The following DCC variants were observed in gnomAD, a reference collection of about 807,000 sequenced individuals.
The protein encoded by DCC is DCC netrin 1 receptor.
In DCC, 58 loss-of-function variants were observed where a neutral mutation model predicts 172.5. The observed-to-expected ratio is 0.34, with a 90% CI of 0.27 to 0.42. The LOEUF (loss-of-function observed/expected upper bound fraction) is 0.42, where lower values mean the gene tolerates loss of function less well. DCC is among the 10% of genes least tolerant of loss of function. The probability of loss-of-function intolerance (pLI) is 1.00; values close to 1 mark genes in which losing one functional copy is unlikely to be tolerated. For synonymous variants in DCC, 709 were observed against 644.5 expected, an observed-to-expected ratio of 1.10 and a Z score of -1.52; for missense variants, 1,740 against 1,791.0, an observed-to-expected ratio of 0.97 and a Z score of 0.51.
intron 3 of DCC, among the ~76,000 whole-genome samples, chr18:52,909,787 T>A (rs914579942): frequency 6.6e-5 from 10 of 152,172 alleles, no homozygotes; most frequent in Admixed American, 6.6e-4. Context: ...AATGTTGGAA[T>A]ACCATGCCCT....
At chr18:52,695,653 G>T (rs2036000207) in intron 1 of DCC, among the ~76,000 whole-genome samples, 1 of 152,166 alleles carries the variant, frequency 6.6e-6, no homozygotes, top group South Asian at 2.1e-4. Flanking sequence ...TGTGGCTATG[G>T]CTGGCATTCA....
chr18:53,033,749 T>C (rs966191660), intron 5 of DCC, among the ~76,000 whole-genome samples: 11 of 152,102 alleles, frequency 7.2e-5, no homozygotes, highest in African/African-American at 2.2e-4. Context: ...CCCTTTCCTT[T>C]TAGATATCAC....
intron 5 of DCC, among the ~76,000 whole-genome samples, chr18:52,932,668 T>G (rs1568195621): frequency 6.6e-6 from 1 of 152,122 alleles, no homozygotes; most frequent in Non-Finnish European, 1.5e-5. Context: ...TAGAGTTCTC[T>G]CTATAGAGCT....
chr18:52,503,580 C>A (rs541922094), intron 1 of DCC, among the ~76,000 whole-genome samples: 3 of 152,172 alleles, frequency 2.0e-5, no homozygotes, highest in Non-Finnish European at 4.4e-5. Flanking sequence ...GTTCTGGTGA[C>A]AGAATTCTCT....
intron 12 of DCC, among the ~76,000 whole-genome samples, chr18:53,295,397 T>C (rs955534724): frequency 1.3e-5 from 2 of 152,248 alleles, no homozygotes; most frequent in Admixed American, 6.5e-5. Flanking sequence ...AGTTTATAGA[T>C]TTACATAGTT....
At chr18:52,723,987 C>G (rs1222848806) in intron 1 of DCC, among the ~76,000 whole-genome samples, 1 of 152,106 alleles carries the variant, frequency 6.6e-6, no homozygotes, top group African/African-American at 2.4e-5. Flanking sequence ...ATTCTGCAAG[C>G]TGAAACTCTT....
intron 2 of DCC, among the ~76,000 whole-genome samples, chr18:52,820,379 T>C (rs2038384619): frequency 6.6e-6 from 1 of 152,236 alleles, no homozygotes; most frequent in Non-Finnish European, 1.5e-5. Flanking sequence ...AACACGTTCC[T>C]AACAATACAT....
chr18:52,652,711 A>AGTGTGTGTGTGTGTGTGT (rs71175513), intron 1 of DCC, among the ~76,000 whole-genome samples: 6,500 of 143,254 alleles, frequency 0.045, 274 homozygotes, highest in East Asian at 0.25. Flanking sequence ...ACTGCAATAA[A>AGTGTGTGTGTGTGTGTGT]GTGTGTGTGT....
chr18:53,515,208 A>T (rs1329953249), intron 27 of DCC, among the ~76,000 whole-genome samples: 1 of 152,106 alleles, frequency 6.6e-6, no homozygotes, highest in East Asian at 1.9e-4. Context: ...CCACATGATT[A>T]TCTCAATAGA....
chr18:52,498,610 C>T (rs963229379), intron 1 of DCC, among the ~76,000 whole-genome samples: 2 of 151,822 alleles, frequency 1.3e-5, no homozygotes, highest in African/African-American at 2.4e-5. Context: ...GGACACAGAG[C>T]GAGACTCTGT....
intron 14 of DCC, among the ~76,000 whole-genome samples, chr18:53,330,753 T>C (rs2144847146): frequency 6.6e-6 from 1 of 152,316 alleles, no homozygotes; most frequent in Middle Eastern, 3.4e-3. Context: ...TATTTTCACA[T>C]ATATTTCACA....
chr18:53,310,550 A>T (rs781303051), intron 13 of DCC, among the ~76,000 whole-genome samples: 31 of 152,270 alleles, frequency 2.0e-4, no homozygotes, highest in Non-Finnish European at 3.8e-4. Flanking sequence ...CAAGAATTGA[A>T]ATCACTGCTA....
intron 5 of DCC, among the ~76,000 whole-genome samples, chr18:53,000,817 TATTAAA>T (rs1386371962): frequency 6.6e-6 from 1 of 151,936 alleles, no homozygotes; most frequent in African/African-American, 2.4e-5. Context: ...GCACAACCGG[TATTAAA>T]ATTAAATTAT....
At chr18:52,761,651 C>T (rs568236802) in intron 2 of DCC, among the ~76,000 whole-genome samples, 47 of 152,142 alleles carry the variant, frequency 3.1e-4, no homozygotes, top group Middle Eastern at 6.8e-3. Flanking sequence ...AACACAAACC[C>T]ATGCACACAC....
chr18:52,801,051 G>A (rs1183007259), intron 2 of DCC, among the ~76,000 whole-genome samples: 2 of 152,132 alleles, frequency 1.3e-5, no homozygotes, highest in Non-Finnish European at 2.9e-5. Context: ...CATGGAGATT[G>A]CAGGGTTCCA....
At chr18:52,870,468 C>T (rs528371696) in intron 2 of DCC, among the ~76,000 whole-genome samples, 12 of 152,226 alleles carry the variant, frequency 7.9e-5, no homozygotes, top group Admixed American at 3.3e-4. Context: ...TGCTGTGAAA[C>T]GAATGAAAGG....
intron 5 of DCC, among the ~76,000 whole-genome samples, chr18:53,031,271 T>G (rs1453667621): frequency 5.9e-5 from 9 of 152,080 alleles, no homozygotes; most frequent in African/African-American, 1.9e-4. Flanking sequence ...TAAAATAAAA[T>G]AAAATATTCT....
chr18:52,458,487 T>G (rs1207306845), intron 1 of DCC, among the ~76,000 whole-genome samples: 1 of 152,178 alleles, frequency 6.6e-6, no homozygotes, highest in Non-Finnish European at 1.5e-5. Flanking sequence ...CATAAATTTC[T>G]TATCCCTTCT....
intron 12 of DCC, among the ~76,000 whole-genome samples, chr18:53,288,009 C>T (rs1363940426): frequency 1.3e-5 from 2 of 152,030 alleles, no homozygotes; most frequent in Non-Finnish European, 2.9e-5. Flanking sequence ...GCTGTAAGCC[C>T]TCTCTTGCAA....
Sources: gnomAD v4.1 joint callset for allele counts (sites outside exome capture counted in the v4.1 genomes callset) on GRCh38, gnomAD v4.1.1 for gene constraint, MANE v1.5 for transcripts, NCBI Gene and HGNC (gene_info 2026-07-23, HGNC 2026-07-21) for gene names.